Variants in SLC45A4 observed in about 807,000 individuals in gnomAD.
The protein encoded by SLC45A4 is solute carrier family 45 member 4.
In SLC45A4, 32 loss-of-function variants were observed where a neutral mutation model predicts 63.7. That is an observed-to-expected ratio of 0.50 (90% CI 0.38 to 0.67). SLC45A4 has a LOEUF of 0.67. SLC45A4 is among the 30% of genes least tolerant of loss of function. The probability of loss-of-function intolerance (pLI) is 0.00; values close to 1 mark genes in which losing one functional copy is unlikely to be tolerated. For missense variants in SLC45A4, 1,027 were observed against 1,157.7 expected (o/e 0.89, Z 1.64); for synonymous variants, 535 against 510.0 (o/e 1.05, Z -0.66).
intron 2 of SLC45A4, among the ~76,000 whole-genome samples, chr8:141,238,713 G>C (rs1270665458): frequency 2.0e-5 from 3 of 152,154 alleles, no homozygotes; most frequent in Non-Finnish European, 4.4e-5. Flanking sequence ...TGCTCACTTT[G>C]TAACTCTGAG....
chr8:141,213,319 C>T (rs992123832), intron 7 of SLC45A4, among the ~76,000 whole-genome samples: 3 of 152,194 alleles, frequency 2.0e-5, no homozygotes, highest in Non-Finnish European at 4.4e-5. Context: ...TTTACCAACA[C>T]GCGTGATGTG....
chr8:141,303,158 C>T (rs144266189), intron 1 of SLC45A4, among the ~76,000 whole-genome samples: 34 of 151,908 alleles, frequency 2.2e-4, no homozygotes, highest in African/African-American at 7.2e-4. Context: ...ACACCGCATC[C>T]GGCTAATTTT....
At chr8:141,261,140 A>G (rs1398896583) in intron 1 of SLC45A4, among the ~76,000 whole-genome samples, 1 of 152,238 alleles carries the variant, frequency 6.6e-6, no homozygotes, top group African/African-American at 2.4e-5. Context: ...GATTATCTCA[A>G]TAGACGCAGA....
intron 2 of SLC45A4, among the ~76,000 whole-genome samples, chr8:141,230,911 T>G (rs1053371148): frequency 6.6e-6 from 1 of 152,120 alleles, no homozygotes; most frequent in Non-Finnish European, 1.5e-5. Flanking sequence ...CACCCGGGGA[T>G]CCAGGAATGC....
intron 1 of SLC45A4, among the ~76,000 whole-genome samples, chr8:141,298,427 C>A (rs1460068410): frequency 6.6e-6 from 1 of 152,224 alleles, no homozygotes; most frequent in African/African-American, 2.4e-5. Context: ...TGGCACTGAG[C>A]AGCCACCTGG....
In SLC45A4 at chr8:141,227,942, T is replaced by C. The variant is rs2154614197; in HGVS notation, c.242-6177A>G. 6.6e-6 allele frequency among the ~76,000 whole-genome samples: 1 copy of C among 152,002 alleles called. No individual in the cohort carries two copies. The highest frequency in any genetic ancestry group is 2.1e-4 in the South Asian group (1 of 4,810). On this transcript the variant is annotated intron_variant, in intron 2 of 8. Coordinates refer to ENST00000517878, the MANE Select transcript of SLC45A4 (RefSeq NM_001286646.2). This position sits in a 1 kb window ranked among gnomAD's most constrained non-coding sequence, Gnocchi z 4.4. Reference sequence around the variant, plus strand: ...TGGCTCTCTGAACCCTGTGGGAGAATCTGGCATTGAAGGGCCGGGGACAAT... The same window carrying C: ...TGGCTCTCTGAACCCTGTGGGAGAACCTGGCATTGAAGGGCCGGGGACAAT...
intron 1 of SLC45A4, among the ~76,000 whole-genome samples, chr8:141,290,696 C>G (rs1016336786): frequency 8.5e-5 from 13 of 152,352 alleles, no homozygotes; most frequent in Middle Eastern, 6.8e-3. Context: ...CTCCCATGAA[C>G]GACCAGGTCA....
intron 2 of SLC45A4, among the ~76,000 whole-genome samples, chr8:141,240,421 C>T (rs917420659): frequency 9.2e-5 from 14 of 152,208 alleles, no homozygotes; most frequent in African/African-American, 1.4e-4. Context: ...ACTTCTCCTT[C>T]CCGAGGGAAA....
intron 1 of SLC45A4, among the ~76,000 whole-genome samples, chr8:141,266,223 C>A (rs966457694): frequency 6.6e-6 from 1 of 152,220 alleles, no homozygotes; most frequent in African/African-American, 2.4e-5. Flanking sequence ...TGTGCTGCCC[C>A]TTTCACAGCC....
chr8:141,295,857 G>A (rs968888771), intron 1 of SLC45A4, among the ~76,000 whole-genome samples: 2 of 152,200 alleles, frequency 1.3e-5, no homozygotes, highest in Admixed American at 1.3e-4. Context: ...AGGATGGTGC[G>A]GAGCTCATCT....
At chr8:141,298,411 T>G (rs1830635920) in intron 1 of SLC45A4, among the ~76,000 whole-genome samples, 3 of 152,204 alleles carry the variant, frequency 2.0e-5, no homozygotes, top group Non-Finnish European at 4.4e-5. Flanking sequence ...GCACCTGCCT[T>G]GAGCCTGGCA....
intron 2 of SLC45A4, among the ~76,000 whole-genome samples, chr8:141,241,104 T>C (rs370257635): frequency 2.6e-5 from 4 of 152,368 alleles, no homozygotes; most frequent in Middle Eastern, 3.4e-3. Flanking sequence ...GGGCTAAGAA[T>C]GTACATATTT....
chr8:141,300,684 A>G (rs1324744531), intron 1 of SLC45A4, among the ~76,000 whole-genome samples: 2 of 152,262 alleles, frequency 1.3e-5, no homozygotes, highest in Non-Finnish European at 2.9e-5. Context: ...TAGCAAATCT[A>G]AAGTCTGGCC....
rs1826059224 is a variant in SLC45A4, at chr8:141,215,093, GT to G, written c.1941+665del. Among the ~76,000 whole-genome samples the G allele has an allele frequency of 6.6e-6, 1 of 152,322 alleles. No individual in the cohort carries two copies. Among genetic ancestry groups the G allele is most frequent in the African/African-American group, 2.4e-5 (1 of 41,564 alleles). ...TGGCCGTGCTGCCGCCAGCAAGCAC[GT>G]GAGTGAATCCTAGAGGATGAAGCCA... On this transcript the variant is annotated intron_variant, in intron 7 of 8. Coordinates refer to ENST00000517878, the MANE Select transcript of SLC45A4 (RefSeq NM_001286646.2). The surrounding 1 kb of genome is among the most constrained non-coding windows in gnomAD (Gnocchi z 4.3).
chr8:141,240,798 C>G (rs1162500242), intron 2 of SLC45A4, among the ~76,000 whole-genome samples: 2 of 152,210 alleles, frequency 1.3e-5, no homozygotes, highest in Non-Finnish European at 2.9e-5. Flanking sequence ...TGATTGGATC[C>G]TAGCTCTGAG....
In SLC45A4 at chr8:141,219,683, C is replaced by A; in HGVS notation, c.577G>T (p.Asp193Tyr). ...AAGGCGTGGATGTTGAGGGCCATGTCCTGCTCCTCGCTGTCCACCACGTCC... is the reference window on the plus strand; with the variant it reads ...AAGGCGTGGATGTTGAGGGCCATGTACTGCTCCTCGCTGTCCACCACGTCC... ...LLDVVDSEEQ[D>Y]MALNIHAFSA... The change falls in exon 4 of 9, where the codon GAC (aspartate) becomes TAC (tyrosine). Residue 193 changes from aspartate (D) to tyrosine (Y), a missense_variant. Coordinates refer to ENST00000517878, the MANE Select transcript of SLC45A4 (RefSeq NM_001286646.2). 3 of 1,612,412 alleles carry A rather than the reference C, an allele frequency of 1.9e-6. No homozygotes were observed. Among genetic ancestry groups the A allele is most frequent in the Non-Finnish European group, 2.5e-6 (3 of 1,179,554 alleles).
At chr8:141,277,925 A>G (rs1431045058) in intron 1 of SLC45A4, among the ~76,000 whole-genome samples, 1 of 152,162 alleles carries the variant, frequency 6.6e-6, no homozygotes, top group Non-Finnish European at 1.5e-5. Context: ...CAATTTTTTA[A>G]GAGATAAGGT....
In SLC45A4 at chr8:141,228,453, G is replaced by A. The variant is rs1827161068; in HGVS notation, c.242-6688C>T. Reference sequence around the variant, plus strand: ...ATTCCGCAGCTGCTGTCCTGTCTCAGGGCCGACCCTGTGTCCAGCTTGTGG... The same window carrying A: ...ATTCCGCAGCTGCTGTCCTGTCTCAAGGCCGACCCTGTGTCCAGCTTGTGG... On this transcript the variant is annotated intron_variant, in intron 2 of 8. Transcript: ENST00000517878. The A allele has an allele frequency of 2.2e-6, 3 of 1,389,774 alleles. No homozygotes were observed. In the African/African-American group the frequency reaches 4.5e-5, roughly 21 times the overall value. 86.1% of individuals were successfully genotyped at this position (1,389,774 alleles called of 1,614,324 possible).
At chr8:141,303,304 G>GT (rs375645569) in intron 1 of SLC45A4, among the ~76,000 whole-genome samples, 46,232 of 124,558 alleles carry the variant, frequency 0.37, 8,779 homozygotes, top group Middle Eastern at 0.46. Context: ...GCTAATTTTT[G>GT]TTTTTTTTTT....
Sources: gnomAD v4.1 joint callset for allele counts (sites outside exome capture counted in the v4.1 genomes callset) on GRCh38, gnomAD v4.1.1 for gene constraint, Gnocchi (gnomAD v3.1) non-coding constraint, MANE v1.5 for transcripts, NCBI Gene and HGNC (gene_info 2026-07-23, HGNC 2026-07-21) for gene names.